Variants in RYR3 observed in about 807,000 individuals in gnomAD.
The protein encoded by RYR3 is ryanodine receptor 3.
Under a neutral mutation model 584.3 loss-of-function variants are expected in RYR3, and 207 were observed. The ratio of observed to expected loss-of-function variants is 0.35; its 90% CI spans 0.32 to 0.40. The LOEUF is 0.40. Among genes scored for constraint, RYR3 ranks in the 10% least tolerant of loss-of-function variants. The pLI is 1.00. For synonymous variants in RYR3, 2,416 were observed against 2,248.5 expected (o/e 1.07, Z -2.11); for missense variants, 5,616 against 6,089.2 (o/e 0.92, Z 2.59).
At position 33,633,045 on chromosome 15, in the gene RYR3, A is replaced by G. The variant is rs1595902210; in HGVS notation, c.2964A>G (p.Glu988=). ...PQEILVDKLA[E]NAHNVWAKDR... ...AAATTTTAGTGGATAAGCTTGCAGA[A>G]AATGCACACAATGTTTGGGCAAAAG... Residue 988 remains glutamate, a synonymous_variant, in exon 24 of 104, where the codon GAA becomes GAG. Coordinates refer to ENST00000634891, the MANE Select transcript of RYR3 (RefSeq NM_001036.6). 1 of 1,614,054 alleles carries G rather than the reference A, an allele frequency of 6.2e-7. No individual in the cohort carries two copies. Among genetic ancestry groups the G allele is most frequent in the Middle Eastern group, 1.7e-4 (1 of 6,060 alleles).
intron 74 of RYR3, among the ~76,000 whole-genome samples, chr15:33,816,611 G>A (rs1280085082): frequency 1.3e-5 from 2 of 152,218 alleles, no homozygotes; most frequent in Non-Finnish European, 2.9e-5. Flanking sequence ...AACAGAGTAG[G>A]ATTACAGATA....
intron 1 of RYR3, among the ~76,000 whole-genome samples, chr15:33,347,584 C>T (rs1218169752): frequency 6.6e-6 from 1 of 151,866 alleles, no homozygotes; most frequent in Non-Finnish European, 1.5e-5. Flanking sequence ...GTAGCTGGGA[C>T]TACAGGCACC....
Position 33,854,409 on chromosome 15 carries a change from A to T in RYR3, c.13820A>T (p.Lys4607Met), listed in dbSNP as rs555103509. The T allele has an allele frequency of 1.3e-5, 21 of 1,575,892 alleles. No homozygotes were observed. The Admixed American group carries it at 2.8e-4, about 21-fold the overall frequency. ...TCTAGGCTAAGTTCCATAGACATGA[A>T]GTACCATATCTGGAAGCTTGGAGTT... ...LVSWLSSIDM[K>M]YHIWKLGVVF... is the part of the protein sequence containing the mutation. Residue 4607 changes from lysine to methionine, a missense_variant, in exon 97 of 104, where the codon AAG becomes ATG. This residue lies in a region of RYR3 where 918 missense variants were observed against 887.4 expected (regional missense o/e 1.03). Coordinates refer to ENST00000634891, the MANE Select transcript of RYR3 (RefSeq NM_001036.6).
At chr15:33,730,771 C>T (rs1266909658) in intron 47 of RYR3, among the ~76,000 whole-genome samples, 1 of 152,164 alleles carries the variant, frequency 6.6e-6, no homozygotes, top group East Asian at 1.9e-4. Flanking sequence ...ATTCATCCGT[C>T]TAAATGTACA....
intron 1 of RYR3, among the ~76,000 whole-genome samples, chr15:33,383,014 T>A (rs2041314425): frequency 2.0e-5 from 3 of 152,116 alleles, no homozygotes. Flanking sequence ...CTGACAGATT[T>A]GAAATAAGAA....
Position 33,801,922 on chromosome 15 carries a change from G to A in RYR3, c.9972G>A (p.Leu3324=). Residue 3324 remains leucine, a synonymous_variant, in exon 69 of 104, where the codon TTG becomes TTA. Transcript: ENST00000634891. The part of the protein sequence containing the change: ...NFVIQNEINN[L]AFLTGDSKSK... ...TGATTCAGAATGAAATTAATAATTT[G>A]GCATTTTTAACTGGAGACAGCAAAA... is the stretch of plus-strand genomic sequence containing the variant. 6.3e-7 allele frequency: 1 copy of A among 1,590,662 alleles called. No individual in the cohort carries two copies. The highest frequency in any genetic ancestry group is 1.1e-5 in the South Asian group (1 of 87,712).
intron 1 of RYR3, among the ~76,000 whole-genome samples, chr15:33,453,722 A>G (rs549521908): frequency 6.6e-6 from 1 of 152,292 alleles, no homozygotes; most frequent in East Asian, 1.9e-4. Flanking sequence ...TGATTTTTCT[A>G]TGGAAAGAAA....
intron 1 of RYR3, among the ~76,000 whole-genome samples, chr15:33,455,205 C>T (rs932549433): frequency 6.6e-6 from 1 of 152,046 alleles, no homozygotes; most frequent in Non-Finnish European, 1.5e-5. Context: ...GCAGGGAGGG[C>T]AGAAGAAACA....
intron 2 of RYR3, among the ~76,000 whole-genome samples, chr15:33,496,923 T>TAA (rs146573898): frequency 1.1e-4 from 16 of 150,306 alleles, no homozygotes; most frequent in South Asian, 8.5e-4. Flanking sequence ...TTCAAATAGG[T>TAA]AAAAAAAAAA....
At chr15:33,822,847 A>G (rs2077180569) in intron 80 of RYR3, 149 bp from the exon 81 acceptor site, 1 of 553,626 alleles carries the variant, frequency 1.8e-6, no homozygotes. Context: ...GCGTTTATAA[A>G]ATAAACATGA....
intron 12 of RYR3, among the ~76,000 whole-genome samples, chr15:33,578,399 C>T (rs605682): frequency 0.65 from 98,693 of 151,986 alleles, 33,050 homozygotes; most frequent in African/African-American, 0.8. Flanking sequence ...AAATGTGGAA[C>T]ATATACACCA....
At chr15:33,440,898 CA>C (rs146866671) in intron 1 of RYR3, among the ~76,000 whole-genome samples, 2,772 of 152,272 alleles carry the variant, frequency 0.018, 75 homozygotes, top group African/African-American at 0.061. Flanking sequence ...AAAGAATGGT[CA>C]GACAGCAGTG....
chr15:33,358,159 C>G (rs1471764356), intron 1 of RYR3, among the ~76,000 whole-genome samples: 1 of 152,188 alleles, frequency 6.6e-6, no homozygotes, highest in East Asian at 1.9e-4. Context: ...TATATCTCCT[C>G]TGAGCCTTGC....
At chr15:33,374,660 A>C (rs2040593146) in intron 1 of RYR3, among the ~76,000 whole-genome samples, 1 of 152,230 alleles carries the variant, frequency 6.6e-6, no homozygotes, top group Non-Finnish European at 1.5e-5. Context: ...GTTTAAAAAA[A>C]TGACAACACA....
chr15:33,449,671 A>T (rs1434757591), intron 1 of RYR3, among the ~76,000 whole-genome samples: 2 of 152,206 alleles, frequency 1.3e-5, no homozygotes, highest in Non-Finnish European at 2.9e-5. Flanking sequence ...GCCATAATGA[A>T]ACCTGAAAGA....
intron 3 of RYR3, among the ~76,000 whole-genome samples, chr15:33,528,295 C>T (rs368583951): frequency 3.9e-5 from 6 of 152,144 alleles, no homozygotes; most frequent in Admixed American, 2.6e-4. Context: ...TGTCCTTTTA[C>T]TCCTGTTCAT....
At chr15:33,588,892 A>G (rs1016091722) in intron 16 of RYR3, among the ~76,000 whole-genome samples, 16 of 152,022 alleles carry the variant, frequency 1.1e-4, no homozygotes, top group Admixed American at 2.0e-4. Flanking sequence ...TGTCTTTGCT[A>G]TTGTGAATAG....
chr15:33,580,260 C>T (rs1390850859), intron 13 of RYR3, 116 bp downstream of exon 13: 2 of 854,922 alleles, frequency 2.3e-6, no homozygotes, highest in African/African-American at 1.7e-5. Context: ...AGCCAGAGGA[C>T]AAGAGAGATT....
rs1203241005 is a variant in RYR3, at chr15:33,446,189, C to T, written c.52-27230C>T. Among the ~76,000 whole-genome samples the T allele has an allele frequency of 2.0e-5, 3 of 152,182 alleles. No homozygotes were observed. The East Asian group carries it at 5.8e-4, about 29-fold the overall frequency. On this transcript the variant is annotated intron_variant, in intron 1 of 103. Coordinates refer to ENST00000634891, the MANE Select transcript of RYR3 (RefSeq NM_001036.6). Reference sequence around the variant, plus strand: ...ACTGACCTCACTAACTTCTGCTTTTCTGATTCTCTTGCTCAAATTAGTGTT... The same window carrying T: ...ACTGACCTCACTAACTTCTGCTTTTTTGATTCTCTTGCTCAAATTAGTGTT...
Sources: allele counts gnomAD v4.1 joint callset (sites outside exome capture counted in the v4.1 genomes callset), GRCh38; gene constraint gnomAD v4.1.1; regional missense constraint gnomAD v4.1.1; transcripts MANE v1.5; gene names NCBI Gene and HGNC (gene_info 2026-07-23, HGNC 2026-07-21).